The following SMG6 variants were observed in gnomAD, a reference collection of about 807,000 sequenced individuals.
The protein encoded by SMG6 is SMG6 nonsense mediated mRNA decay factor.
A neutral mutation model predicts 142.2 loss-of-function variants in SMG6; 66 were observed. That is an observed-to-expected ratio of 0.46 (90% CI 0.38 to 0.57). The LOEUF is 0.57. Among genes scored for constraint, SMG6 ranks in the 20% least tolerant of loss-of-function variants. The pLI, the probability that SMG6 is intolerant of heterozygous loss-of-function variation, is 0.00. For missense variants in SMG6, 1,793 were observed against 1,832.0 expected (o/e 0.98, Z 0.39); for synonymous variants, 779 against 702.4 (o/e 1.11, Z -1.72).
In SMG6 at chr17:2,065,286, C is replaced by T. The variant is rs2232490; in HGVS notation, c.4048-132G>A. 316 of 982,078 alleles carry T rather than the reference C, an allele frequency of 3.2e-4. No individual in the cohort carries two copies. The African/African-American group carries it at 3.7e-3, about 12-fold the overall frequency. The allele number at this position is 982,078 out of a possible 1,614,324, so 60.8% of individuals were successfully genotyped here. ...GATCCCTCCCATGCATGCGCTGGCC[C>T]TGCCTGGCCTGATCTGACTGTGCTA... On this transcript the variant is annotated intron_variant, in intron 17 of 18. Coordinates refer to ENST00000263073, the MANE Select transcript of SMG6 (RefSeq NM_017575.5).
At position 2,216,266 on chromosome 17, in the gene SMG6, A is replaced by G. The variant is rs900170601; in HGVS notation, c.2869+20226T>C. ...AAGGTATCCAAGGAATGGGGTCAAG[A>G]GCATTAGTGAGGTAATAGGAATTTT... On this transcript the variant is annotated intron_variant, in intron 10 of 18. Transcript: ENST00000263073. Among the ~76,000 whole-genome samples, 25 of 152,100 alleles carry G rather than the reference A, an allele frequency of 1.6e-4. No homozygotes were observed. In the South Asian group the frequency reaches 5.0e-3, roughly 30 times the overall value.
In SMG6 at chr17:2,300,211, T is replaced by A; in HGVS notation, c.542A>T (p.Glu181Val). 6.2e-7 allele frequency: 1 copy of A among 1,614,106 alleles called. No homozygotes were observed. Among genetic ancestry groups the A allele is most frequent in the South Asian group, 1.1e-5 (1 of 91,084 alleles). ...QVEQLRVEED[E>V]CRGNVAKEEV... ...CTCCTTCGCAACATTTCCCCTACAC[T>A]CATCTTCCTCTACTCTCAGTTGTTC... Residue 181 changes from glutamate to valine, a missense_variant, in exon 2 of 19, where the codon GAG becomes GTG. By Grantham distance (121) the Glu-to-Val change is moderately radical. Transcript: ENST00000263073.
intron 9 of SMG6, among the ~76,000 whole-genome samples, chr17:2,242,936 G>A (rs1003340252): frequency 3.3e-5 from 5 of 151,998 alleles, no homozygotes; most frequent in African/African-American, 7.3e-5. Flanking sequence ...CAATCCATCC[G>A]TCTTTTTATA....
intron 13 of SMG6, among the ~76,000 whole-genome samples, chr17:2,128,833 A>AAAG (rs994810334): frequency 6.0e-5 from 9 of 149,138 alleles, no homozygotes; most frequent in African/African-American, 2.0e-4. Context: ...AAAAAAAAAA[A>AAAG]AGAGAGAGAG....
At chr17:2,211,177 G>C (rs2072849018) in intron 10 of SMG6, among the ~76,000 whole-genome samples, 1 of 150,072 alleles carries the variant, frequency 6.7e-6, no homozygotes, top group Admixed American at 6.6e-5. Flanking sequence ...CAGTTCAAAG[G>C]TGAAAGAAAA....
At position 2,154,588 on chromosome 17, in the gene SMG6, A is replaced by G. The variant is rs184659122; in HGVS notation, c.3357+18070T>C. On this transcript the variant is annotated intron_variant, in intron 13 of 18. Transcript: ENST00000263073. ...TACATGTCCTGTTTCACTTAGGCAGAGGTCTCTGTTTCTCCAAAAGAGCAA... is the reference window on the plus strand; with the variant it reads ...TACATGTCCTGTTTCACTTAGGCAGGGGTCTCTGTTTCTCCAAAAGAGCAA... Among the ~76,000 whole-genome samples, 868 of 152,292 alleles carry G rather than the reference A, an allele frequency of 5.7e-3. 7 individuals are homozygous for G. The highest frequency in any genetic ancestry group is 7.9e-3 in the Non-Finnish European group (534 of 68,024).
intron 13 of SMG6, chr17:2,127,367 C>T (rs1030274394): frequency 3.4e-6 from 2 of 593,710 alleles, no homozygotes; most frequent in Non-Finnish European, 6.5e-6. Flanking sequence ...GAGTTGTACA[C>T]TTAAGAAATG....
At chr17:2,086,287 T>C (rs982635172) in intron 13 of SMG6, among the ~76,000 whole-genome samples, 1 of 152,206 alleles carries the variant, frequency 6.6e-6, no homozygotes, top group African/African-American at 2.4e-5. Flanking sequence ...TAGAGCTTTC[T>C]GGGGCCCCTC....
intron 10 of SMG6, among the ~76,000 whole-genome samples, chr17:2,226,993 T>C (rs140710950): frequency 6.6e-6 from 1 of 152,174 alleles, no homozygotes; most frequent in Non-Finnish European, 1.5e-5. Flanking sequence ...AAGTCTCTCA[T>C]CCTTAGTTAT....
At chr17:2,132,081 G>GA (rs895934349) in intron 13 of SMG6, among the ~76,000 whole-genome samples, 131 of 145,358 alleles carry the variant, frequency 9.0e-4, no homozygotes, top group African/African-American at 2.4e-3. Flanking sequence ...TCCAAAAAAA[G>GA]AAAAAAAAAA....
intron 9 of SMG6, among the ~76,000 whole-genome samples, chr17:2,239,159 C>T (rs571712044): frequency 1.3e-4 from 20 of 152,132 alleles, no homozygotes; most frequent in Non-Finnish European, 2.9e-4. Flanking sequence ...TGGACACGTA[C>T]GTAAGTATGT....
chr17:2,180,951 A>G (rs1410124450), intron 12 of SMG6, among the ~76,000 whole-genome samples: 1 of 152,216 alleles, frequency 6.6e-6, no homozygotes, highest in African/African-American at 2.4e-5. Flanking sequence ...ACTAAACAGC[A>G]GCCATTTCAT....
chr17:2,113,829 G>A (rs1009629707), intron 13 of SMG6, among the ~76,000 whole-genome samples: 1 of 152,126 alleles, frequency 6.6e-6, no homozygotes, highest in African/African-American at 2.4e-5. Context: ...AGTGTCACAC[G>A]AGAGTGGTGG....
chr17:2,268,085 A>C (rs917228959), intron 8 of SMG6, among the ~76,000 whole-genome samples: 3 of 152,084 alleles, frequency 2.0e-5, no homozygotes, highest in Non-Finnish European at 4.4e-5. Flanking sequence ...TTTTATTATT[A>C]TTAGAGACGG....
chr17:2,292,608 T>A lies in SMG6; in HGVS notation c.2281A>T (p.Ile761Phe). ...TAGGGGCGCCCATTCTTGGGAGCAA[T>A]GTGCTGGGCCTTCAGGTACCAACTA... ...ARSWYLKAQH[I>F]APKNGRPYNQ... The change falls in exon 6 of 19, where the codon ATT (isoleucine) becomes TTT (phenylalanine). Residue 761 changes from isoleucine to phenylalanine, a missense_variant. Around this residue, in one of 3 missense-constraint regions of SMG6, gnomAD observed 1,597 missense variants for 1,584.6 expected, o/e 1.01. Coordinates refer to ENST00000263073, the MANE Select transcript of SMG6 (RefSeq NM_017575.5). 6.2e-7 allele frequency: 1 copy of A among 1,613,216 alleles called. No homozygotes were observed. The highest frequency in any genetic ancestry group is 8.5e-7 in the Non-Finnish European group (1 of 1,179,864).
At chr17:2,103,586 C>T (rs182638218) in intron 13 of SMG6, among the ~76,000 whole-genome samples, 3 of 152,274 alleles carry the variant, frequency 2.0e-5, no homozygotes, top group Admixed American at 6.5e-5. Context: ...GTTTTAATCA[C>T]CTGTTTAGTG....
chr17:2,242,032 C>T (rs1310725582), intron 9 of SMG6, among the ~76,000 whole-genome samples: 1 of 152,092 alleles, frequency 6.6e-6, no homozygotes, highest in East Asian at 1.9e-4. Context: ...TATCCTACAA[C>T]GCACAGGACA....
chr17:2,297,162 C>G, intron 4 of SMG6, 81 bp downstream of exon 4: 1 of 924,072 alleles, frequency 1.1e-6, no homozygotes, highest in Non-Finnish European at 1.7e-6. Context: ...ACACCCAGTA[C>G]AGTGTCTAGC....
intron 10 of SMG6, among the ~76,000 whole-genome samples, chr17:2,207,381 G>A (rs529706539): frequency 4.6e-5 from 7 of 152,102 alleles, no homozygotes; most frequent in African/African-American, 1.7e-4. Context: ...TAAATAGAGG[G>A]ATACCTGCTA....
Sources: allele counts gnomAD v4.1 joint callset (sites outside exome capture counted in the v4.1 genomes callset), GRCh38; gene constraint gnomAD v4.1.1; regional missense constraint gnomAD v4.1.1; transcripts MANE v1.5; gene names NCBI Gene and HGNC (gene_info 2026-07-23, HGNC 2026-07-21).